The following APBB2 variants were observed in gnomAD, a reference collection of about 807,000 sequenced individuals.
The protein encoded by APBB2 is amyloid beta precursor protein binding family B member 2.
In APBB2, 38 loss-of-function variants were observed where a neutral mutation model predicts 82.5. The observed-to-expected ratio is 0.46, with a 90% CI of 0.36 to 0.60. The LOEUF is 0.60. APBB2 is among the 20% of genes least tolerant of loss of function. APBB2 has a pLI of 0.00. For missense variants in APBB2, 772 were observed against 972.3 expected (o/e 0.79, Z 2.74); for synonymous variants, 341 against 368.2 (o/e 0.93, Z 0.85).
intron 4 of APBB2, among the ~76,000 whole-genome samples, chr4:41,057,855 C>T (rs73138563): frequency 0.036 from 5,493 of 152,244 alleles, 164 homozygotes; most frequent in East Asian, 0.12. Flanking sequence ...CTGGCTGGGG[C>T]ATTTCCTCCC....
intron 6 of APBB2, among the ~76,000 whole-genome samples, chr4:41,007,203 A>G (rs998325327): frequency 5.9e-5 from 9 of 152,006 alleles, no homozygotes; most frequent in Non-Finnish European, 1.0e-4. Flanking sequence ...CTCCCACAGT[A>G]AGACTGGTGT....
intron 10 of APBB2, among the ~76,000 whole-genome samples, chr4:40,921,252 C>T (rs1054171545): frequency 2.0e-5 from 3 of 152,304 alleles, no homozygotes; most frequent in African/African-American, 7.2e-5. Context: ...TATTGTACTA[C>T]GGGGAAGAAC....
chr4:41,122,972 G>A (rs1198775241), intron 2 of APBB2, among the ~76,000 whole-genome samples: 4 of 152,086 alleles, frequency 2.6e-5, no homozygotes, highest in African/African-American at 7.2e-5. Flanking sequence ...GGGGGCCTAT[G>A]CCCCTGCAGT....
intron 1 of APBB2, among the ~76,000 whole-genome samples, chr4:41,188,306 T>C (rs887929983): frequency 6.6e-6 from 1 of 152,190 alleles, no homozygotes; most frequent in East Asian, 1.9e-4. Flanking sequence ...AAGAAAAGAA[T>C]CTTAAAGAGG....
intron 2 of APBB2, among the ~76,000 whole-genome samples, chr4:41,141,861 C>G (rs1214748633): frequency 1.3e-5 from 2 of 152,180 alleles, no homozygotes; most frequent in African/African-American, 2.4e-5. Flanking sequence ...AAACCCCACC[C>G]CCATAATTCA....
At chr4:40,857,055 C>T (rs1270824915) in intron 12 of APBB2, 1 of 985,476 alleles carries the variant, frequency 1.0e-6, no homozygotes, top group Non-Finnish European at 1.2e-6. Flanking sequence ...CGAAGTCGGG[C>T]GGGGATGCCG....
chr4:41,102,921 T>A (rs773679010), intron 2 of APBB2, among the ~76,000 whole-genome samples: 7 of 152,238 alleles, frequency 4.6e-5, no homozygotes, highest in Non-Finnish European at 7.3e-5. Flanking sequence ...GAGTATTGTG[T>A]CCCCAACTGC....
intron 3 of APBB2, among the ~76,000 whole-genome samples, chr4:41,066,001 C>G (rs368038183): frequency 6.6e-6 from 1 of 152,266 alleles, no homozygotes; most frequent in East Asian, 1.9e-4. Context: ...CTTTTCTATT[C>G]TTCCTTAACA....
At chr4:41,108,145 C>A (rs979861993) in intron 2 of APBB2, among the ~76,000 whole-genome samples, 2 of 151,966 alleles carry the variant, frequency 1.3e-5, no homozygotes, top group African/African-American at 2.4e-5. Flanking sequence ...TAAAGAGACA[C>A]AGACACAAAA....
intron 10 of APBB2, among the ~76,000 whole-genome samples, chr4:40,901,685 T>C (rs186692765): frequency 6.6e-6 from 1 of 152,150 alleles, no homozygotes; most frequent in Admixed American, 6.5e-5. Context: ...AATTTTTGTA[T>C]TTTTAGTAGA....
At chr4:41,177,086 C>A (rs960451630) in intron 1 of APBB2, among the ~76,000 whole-genome samples, 1 of 151,950 alleles carries the variant, frequency 6.6e-6, no homozygotes, top group Non-Finnish European at 1.5e-5. Context: ...TCTGGCTCTG[C>A]CAATAATTAA....
At chr4:41,009,224 T>C (rs1418845422) in intron 6 of APBB2, among the ~76,000 whole-genome samples, 1 of 138,870 alleles carries the variant, frequency 7.2e-6, no homozygotes, top group South Asian at 2.1e-4. Flanking sequence ...GGGAACTGTA[T>C]CTTTGAAAAA....
chr4:40,948,228 C>A (rs986525982), intron 6 of APBB2, among the ~76,000 whole-genome samples: 5 of 152,176 alleles, frequency 3.3e-5, no homozygotes, highest in African/African-American at 1.2e-4. Context: ...AGACTCTCAG[C>A]ACCATCATAA....
chr4:41,067,928 T>C (rs2153896665), intron 3 of APBB2, among the ~76,000 whole-genome samples: 1 of 152,090 alleles, frequency 6.6e-6, no homozygotes, highest in South Asian at 2.1e-4. Flanking sequence ...AAGGACTCAG[T>C]TCAGGGGGAG....
intron 2 of APBB2, among the ~76,000 whole-genome samples, chr4:41,131,097 A>G (rs1170378165): frequency 1.3e-5 from 2 of 152,214 alleles, no homozygotes; most frequent in East Asian, 3.8e-4. Context: ...ACACATTAAA[A>G]GTATGGGGGC....
intron 5 of APBB2, among the ~76,000 whole-genome samples, chr4:41,031,210 G>A (rs1302332596): frequency 1.3e-5 from 2 of 152,074 alleles, no homozygotes; most frequent in Non-Finnish European, 2.9e-5. Flanking sequence ...GGGTGTCAGA[G>A]CAAGACTCTG....
chr4:41,014,082 C>T lies in APBB2; in HGVS notation c.336G>A (p.Glu112=). The T allele has an allele frequency of 6.2e-7, 1 of 1,614,208 alleles. No homozygotes were observed. ...NGENQLRKAA[E]QGQQDPNKNL... is the part of the protein sequence containing the mutation. ...TTTTGTTGGGGTCCTGCTGCCCTTG[C>T]TCTGCAGCCTTACGGAGCTGGTTCT... The change falls in exon 6 of 18, where the codon GAG becomes GAA. Residue 112 remains glutamate, a synonymous_variant. Coordinates refer to ENST00000508593, the MANE Select transcript of APBB2 (RefSeq NM_004307.2).
rs143410490 is a variant in APBB2 at position 40,950,356 on chromosome 4, A to G, written c.836-5283T>C. ...ACACTCGGTATGTGCACCAGGTAAC[A>G]TATTCATATCAGCAGCACTGAAATA... On this transcript the variant is annotated intron_variant, in intron 6 of 17. Transcript: ENST00000508593. 1.6e-4 allele frequency among the ~76,000 whole-genome samples: 24 copies of G among 152,366 alleles called. No homozygotes were observed. In the East Asian group the frequency reaches 4.2e-3, roughly 27 times the overall value.
chr4:41,147,481 CTTTTTT>C (rs558746840), intron 1 of APBB2, among the ~76,000 whole-genome samples: 11 of 103,110 alleles, frequency 1.1e-4, no homozygotes, highest in African/African-American at 1.6e-4. Context: ...GTTTGGCCAG[CTTTTTT>C]TTTTTTTTTT....
Sources: gnomAD v4.1 joint callset for allele counts (sites outside exome capture counted in the v4.1 genomes callset) on GRCh38, gnomAD v4.1.1 for gene constraint, MANE v1.5 for transcripts, NCBI Gene and HGNC (gene_info 2026-07-23, HGNC 2026-07-21) for gene names.